MXRA7: variants seen among roughly 807,000 people sequenced by gnomAD.
MXRA7 encodes matrix remodeling associated 7, also known as matrix-remodeling-associated protein 7.
Under a neutral mutation model 17.4 loss-of-function variants are expected in MXRA7, and 18 were observed. The ratio of observed to expected loss-of-function variants is 1.03; its 90% CI spans 0.71 to 1.53. The LOEUF is 1.53. MXRA7 is among the 40% of genes most tolerant of loss of function. The pLI is 0.00. For synonymous variants in MXRA7, 70 were observed against 101.7 expected, an observed-to-expected ratio of 0.69 and a Z score of 1.87; for missense variants, 141 against 209.3, an observed-to-expected ratio of 0.67 and a Z score of 2.01.
intron 1 of MXRA7, among the ~76,000 whole-genome samples, chr17:76,702,024 C>A (rs192931253): frequency 6.6e-6 from 1 of 152,292 alleles, no homozygotes; most frequent in East Asian, 1.9e-4. Flanking sequence ...CTGTACTCTC[C>A]GCAACCCCTA....
Position 76,707,291 on chromosome 17 carries a change from C to CTTTT in MXRA7, c.342+3310_342+3313dup, listed in dbSNP as rs56067261. On this transcript the variant is annotated intron_variant, in intron 1 of 3. Coordinates refer to ENST00000449428, the MANE Select transcript of MXRA7 (RefSeq NM_198530.4). ...CACTGCCTTGCAGGAAGTCCCTACTCTTTTTTTTTTTTTTTTTTTTTTTTT... is the reference window on the plus strand; with the variant it reads ...CACTGCCTTGCAGGAAGTCCCTACTCTTTTTTTTTTTTTTTTTTTTTTTTTTTTT... Among the ~76,000 whole-genome samples, 82 of 96,122 alleles carry CTTTT rather than the reference C, an allele frequency of 8.5e-4. 8 individuals carry two copies. Among genetic ancestry groups the CTTTT allele is most frequent in the East Asian group, 1.9e-3 (5 of 2,656 alleles). The allele number at this position is 96,122 out of a possible 152,430, so 63.1% of individuals were successfully genotyped here.
chr17:76,710,890 G>T lies in MXRA7; in HGVS notation c.57C>A (p.Ala19=). Reference sequence around the variant, plus strand: ...GCACCAGTAGCCAGGCGAGCAGAAGGGCCAGCGCGGTGGCCAGCGCAGGCA... The same window carrying T: ...GCACCAGTAGCCAGGCGAGCAGAAGTGCCAGCGCGGTGGCCAGCGCAGGCA... ...AALPALATAL[A]LLLAWLLVRR... is the part of the protein sequence containing the mutation. The change falls in exon 1 of 4, where the codon GCC becomes GCA. Residue 19 remains alanine (A), a synonymous_variant. Coordinates refer to ENST00000449428, the MANE Select transcript of MXRA7 (RefSeq NM_198530.4). The T allele has an allele frequency of 2.0e-6, 2 of 999,328 alleles. No homozygotes were observed. Among genetic ancestry groups the T allele is most frequent in the Non-Finnish European group, 2.4e-6 (2 of 841,778 alleles). 61.9% of individuals were successfully genotyped at this position (999,328 alleles called of 1,614,324 possible). A position where few individuals can be genotyped will look rare whatever the true frequency, so the allele number is the denominator to read the frequency against.
intron 1 of MXRA7, among the ~76,000 whole-genome samples, chr17:76,697,386 T>C (rs2076543227): frequency 6.6e-6 from 1 of 152,166 alleles, no homozygotes; most frequent in Non-Finnish European, 1.5e-5. Context: ...CGTCTGTTGC[T>C]GAAGGTGCCC....
At chr17:76,676,938 C>G (rs1340018848), downstream of MXRA7, 1 of 151,456 alleles carries the variant, frequency 6.6e-6, no homozygotes, top group African/African-American at 2.4e-5. Flanking sequence ...AACCATGCTC[C>G]CCTACAGCTT....
In MXRA7 at chr17:76,691,393, A is replaced by T. The variant is rs116584310; in HGVS notation, c.343-3217T>A. ...ACCAGTTAACATAAGTGCTTCCCTG[A>T]GCTCCGTAAGACGCTGTAGCAAATT... is the stretch of plus-strand genomic sequence containing the variant. On this transcript the variant is annotated intron_variant, in intron 1 of 3. Coordinates refer to ENST00000449428, the MANE Select transcript of MXRA7 (RefSeq NM_198530.4). Among the ~76,000 whole-genome samples, 378 of 152,246 alleles carry T rather than the reference A, an allele frequency of 2.5e-3. 2 individuals carry two copies. Among genetic ancestry groups the T allele is most frequent in the African/African-American group, 8.2e-3 (342 of 41,540 alleles).
downstream of MXRA7, chr17:76,674,860 G>C (rs2076227670): frequency 6.6e-6 from 1 of 152,252 alleles, no homozygotes; most frequent in Non-Finnish European, 1.5e-5. Context: ...TACGCCTAGA[G>C]ACGCAAGCAA....
Position 76,680,390 on chromosome 17 carries a change from C to T in MXRA7, c.*477G>A. ...CCAGGGAAAGGGGTCGGCTGACCACCCTGACGGAGCTGGTGAGCACAGGTG... is the reference window on the plus strand; with the variant it reads ...CCAGGGAAAGGGGTCGGCTGACCACTCTGACGGAGCTGGTGAGCACAGGTG... On this transcript the variant is annotated 3_prime_UTR_variant, in exon 4 of 4. Coordinates refer to ENST00000449428, the MANE Select transcript of MXRA7 (RefSeq NM_198530.4). 17 of 985,902 alleles carry T rather than the reference C, an allele frequency of 1.7e-5. No homozygotes were observed. The highest frequency in any genetic ancestry group is 2.0e-5 in the Non-Finnish European group (17 of 830,286). The allele number at this position is 985,902 out of a possible 1,614,324, so 61.1% of individuals were successfully genotyped here. A position where few individuals can be genotyped will look rare whatever the true frequency, so the allele number is the denominator to read the frequency against.
At chr17:76,677,377 G>T, downstream of MXRA7, 1 of 500,156 alleles carries the variant, frequency 2.0e-6, no homozygotes, top group Non-Finnish European at 3.6e-6. Context: ...AAACCAGAGG[G>T]GTCAGGGACT....
At chr17:76,678,939 TAC>T (rs903388783), downstream of MXRA7, among the ~76,000 whole-genome samples, 12 of 152,216 alleles carry the variant, frequency 7.9e-5, no homozygotes, top group Non-Finnish European at 1.8e-4. Flanking sequence ...AAGCTGTGTC[TAC>T]AGTCGGTTCC....
At chr17:76,691,814 T>C (rs2076481778) in intron 1 of MXRA7, among the ~76,000 whole-genome samples, 1 of 152,084 alleles carries the variant, frequency 6.6e-6, no homozygotes, top group Admixed American at 6.5e-5. Flanking sequence ...AAGCCCAATA[T>C]CAAGAATAGA....
intron 1 of MXRA7, among the ~76,000 whole-genome samples, chr17:76,704,747 T>G (rs543513608): frequency 5.1e-5 from 7 of 137,804 alleles, no homozygotes; most frequent in Admixed American, 4.8e-4. Context: ...ATTGCGCCAC[T>G]GCACTCCTGG....
intron 1 of MXRA7, among the ~76,000 whole-genome samples, chr17:76,700,471 T>C (rs2076577899): frequency 6.6e-6 from 1 of 152,156 alleles, no homozygotes; most frequent in Non-Finnish European, 1.5e-5. Flanking sequence ...GGGCAAGAAC[T>C]GCAGGCGGCT....
At chr17:76,704,751 C>T (rs1328825814) in intron 1 of MXRA7, among the ~76,000 whole-genome samples, 4 of 145,432 alleles carry the variant, frequency 2.8e-5, no homozygotes, top group African/African-American at 1.0e-4. Flanking sequence ...CGCCACTGCA[C>T]TCCTGGGCGA....
At position 76,710,572 on chromosome 17, in the gene MXRA7, T is replaced by A. The variant is rs966937647; in HGVS notation, c.342+33A>T. 20 of 1,255,952 alleles carry A rather than the reference T, an allele frequency of 1.6e-5. No homozygotes were observed. The South Asian group carries it at 4.1e-4, about 26-fold the overall frequency. The allele number at this position is 1,255,952 out of a possible 1,614,324, so 77.8% of individuals were successfully genotyped here. A position where few individuals can be genotyped will look rare whatever the true frequency, so the allele number is the denominator to read the frequency against. The stretch of plus-strand genomic sequence containing the variant: ...GCAGCGGCAGCCGGAGCCCCGGGGG[T>A]GGGGAGGGGGCCGCGAGGGCCCCGG... On this transcript the variant is annotated intron_variant, in intron 1 of 3. Transcript: ENST00000449428.
At chr17:76,687,979 A>G in intron 2 of MXRA7, 134 bp downstream of exon 2, 1 of 893,628 alleles carries the variant, frequency 1.1e-6, no homozygotes, top group East Asian at 2.6e-5. Context: ...TCTACCTCTC[A>G]TGCCCCACTC....
At chr17:76,698,712 GTTTTTTTTTTTTTTT>G (rs3078394) in intron 1 of MXRA7, among the ~76,000 whole-genome samples, 2 of 54,884 alleles carry the variant, frequency 3.6e-5, no homozygotes, top group Admixed American at 2.7e-4. Context: ...CTTCCTTTCT[GTTTTTTTTTTTTTTT>G]TTTTTTTTTT....
Position 76,685,114 on chromosome 17 carries a change from T to C in MXRA7, c.458A>G (p.Tyr153Cys), listed in dbSNP as rs2076371791. 2 of 1,614,104 alleles carry C rather than the reference T, an allele frequency of 1.2e-6. No individual in the cohort carries two copies. Among genetic ancestry groups the C allele is most frequent in the African/African-American group, 2.7e-5 (2 of 75,052 alleles). The change falls in exon 3 of 4, where the codon TAC (tyrosine) becomes TGC (cysteine). Residue 153 changes from tyrosine (Y) to cysteine (C), a missense_variant. Tyr to Cys is a radical substitution (Grantham distance 194, BLOSUM62 -2). This residue lies in a region of MXRA7 where 67 missense variants were observed against 80.3 expected (regional missense o/e 0.83). Coordinates refer to ENST00000449428, the MANE Select transcript of MXRA7 (RefSeq NM_198530.4). The stretch of plus-strand genomic sequence containing the variant: ...CTCCTCTTTGGTCATCATCTTCTTG[T>C]ACTGGTTTCCCCTCAGCTTCCCGGG... The part of the protein sequence containing the change: ...YSPGKLRGNQ[Y>C]KKMMTKEELE...
chr17:76,682,299 T>C (rs2076315486), intron 3 of MXRA7, among the ~76,000 whole-genome samples: 1 of 152,096 alleles, frequency 6.6e-6, no homozygotes, highest in Non-Finnish European at 1.5e-5. Flanking sequence ...GTGCAGCTTG[T>C]AGCTGCAACT....
Position 76,681,772 on chromosome 17 carries a change from A to G in MXRA7, c.501-893T>C, listed in dbSNP as rs2076307054. 6.6e-6 allele frequency among the ~76,000 whole-genome samples: 1 copy of G among 152,208 alleles called. No homozygotes were observed. The highest frequency in any genetic ancestry group is 1.5e-5 in the Non-Finnish European group (1 of 68,032). On this transcript the variant is annotated intron_variant, in intron 3 of 3. Transcript: ENST00000449428. This position sits in a 1 kb window ranked among gnomAD's most constrained non-coding sequence, Gnocchi z 4.7. Reference sequence around the variant, plus strand: ...AGCCGCGCCTGTTCTTTCTCCTGCCAAGCTGTGAAGCCAGCCAAGCCCTGC... The same window carrying G: ...AGCCGCGCCTGTTCTTTCTCCTGCCGAGCTGTGAAGCCAGCCAAGCCCTGC...
Sources: gnomAD v4.1 joint callset for allele counts (sites outside exome capture counted in the v4.1 genomes callset) on GRCh38, gnomAD v4.1.1 for gene constraint, gnomAD v4.1.1 regional missense constraint, Gnocchi (gnomAD v3.1) non-coding constraint, MANE v1.5 for transcripts, NCBI Gene and HGNC (gene_info 2026-07-23, HGNC 2026-07-21) for gene names.